Variants in FRMD5 observed in about 807,000 individuals in gnomAD.
FRMD5 encodes the protein FERM domain containing 5.
A neutral mutation model predicts 69.0 loss-of-function variants in FRMD5; 20 were observed. The observed-to-expected ratio is 0.29, with a 90% confidence interval of 0.20 to 0.42. FRMD5 has a LOEUF of 0.42. Among genes scored for constraint, FRMD5 ranks in the 10% least tolerant of loss-of-function variants. The pLI is 1.00. For missense variants in FRMD5, 595 were observed against 708.6 expected, an observed-to-expected ratio of 0.84 and a Z score of 1.82; for synonymous variants, 271 against 260.1, an observed-to-expected ratio of 1.04 and a Z score of -0.40.
rs139812496 is a variant in FRMD5 at position 43,969,015 on chromosome 15, C to T, written c.103-44706G>A. Among the ~76,000 whole-genome samples the T allele has an allele frequency of 6.2e-4, 94 of 151,902 alleles. 1 individual carries two copies. Among genetic ancestry groups the T allele is most frequent in the Non-Finnish European group, 7.4e-5 (5 of 67,976 alleles). The stretch of plus-strand genomic sequence containing the variant: ...AATGTAGACTGATTATATCTAGAGG[C>T]CTTAATACTGATTTAGAGGTAAGAA... On this transcript the variant is annotated intron_variant, in intron 1 of 13. Coordinates refer to ENST00000417257, the MANE Select transcript of FRMD5 (RefSeq NM_032892.5).
chr15:43,929,042 C>G (rs182007067), intron 1 of FRMD5, among the ~76,000 whole-genome samples: 1 of 152,284 alleles, frequency 6.6e-6, no homozygotes, highest in East Asian at 1.9e-4. Flanking sequence ...TTTGAAAATA[C>G]TAGTGCATAT....
chr15:44,115,995 T>C (rs1332993863), intron 1 of FRMD5, among the ~76,000 whole-genome samples: 1 of 152,004 alleles, frequency 6.6e-6, no homozygotes, highest in Non-Finnish European at 1.5e-5. Flanking sequence ...AGCACTGGAG[T>C]CCAACCTATT....
At chr15:44,181,215 T>C (rs1489973870) in intron 1 of FRMD5, among the ~76,000 whole-genome samples, 1 of 151,878 alleles carries the variant, frequency 6.6e-6, no homozygotes, top group East Asian at 1.9e-4. Flanking sequence ...TTTTTTTTTA[T>C]TATTTTTGGT....
intron 1 of FRMD5, chr15:44,101,621 C>T (rs1203222636): frequency 6.6e-6 from 1 of 152,480 alleles, no homozygotes; most frequent in Non-Finnish European, 1.5e-5. Context: ...TACTTGTTCC[C>T]AAGGTGAGGA....
intron 1 of FRMD5, among the ~76,000 whole-genome samples, chr15:44,039,351 TCCC>T (rs1892081339): frequency 6.6e-6 from 1 of 152,178 alleles, no homozygotes; most frequent in Admixed American, 6.5e-5. Context: ...CTCAAGTGGG[TCCC>T]TGACCCCTGT....
intron 4 of FRMD5, among the ~76,000 whole-genome samples, chr15:43,915,392 G>A (rs1300246155): frequency 6.6e-6 from 1 of 152,176 alleles, no homozygotes; most frequent in African/African-American, 2.4e-5. Context: ...CTCAAGCGAT[G>A]TTCACTGAAG....
At position 44,099,974 on chromosome 15, in the gene FRMD5, C is replaced by G. The variant is rs569014661; in HGVS notation, c.102+94979G>C. 2.6e-5 allele frequency among the ~76,000 whole-genome samples: 4 copies of G among 152,122 alleles called. No individual in the cohort carries two copies. The East Asian group carries it at 7.7e-4, about 29-fold the overall frequency. On this transcript the variant is annotated intron_variant, in intron 1 of 13. Transcript: ENST00000417257. The stretch of plus-strand genomic sequence containing the variant: ...ATTTAACAAGCACTCTGAAAGCCCC[C>G]CTACACTCTGAGTCTAGCCACACAA...
At chr15:43,888,621 A>G (rs1018246569) in intron 9 of FRMD5, among the ~76,000 whole-genome samples, 188 bp downstream of exon 9, 1 of 152,198 alleles carries the variant, frequency 6.6e-6, no homozygotes, top group Non-Finnish European at 1.5e-5. Flanking sequence ...TGTCAATAGC[A>G]TCCCTGAGGA....
chr15:44,152,925 A>G, intron 1 of FRMD5, among the ~76,000 whole-genome samples: 1 of 152,168 alleles, frequency 6.6e-6, no homozygotes, highest in Non-Finnish European at 1.5e-5. Flanking sequence ...ACATTTCTTC[A>G]AAGAAGATAT....
At chr15:44,029,495 T>C (rs967077462) in intron 1 of FRMD5, among the ~76,000 whole-genome samples, 4 of 152,202 alleles carry the variant, frequency 2.6e-5, no homozygotes, top group African/African-American at 9.7e-5. Context: ...TTAAAGCTAT[T>C]AAACCTATAG....
chr15:43,923,588 G>C (rs1337064843), intron 2 of FRMD5, among the ~76,000 whole-genome samples: 1 of 152,220 alleles, frequency 6.6e-6, no homozygotes, highest in African/African-American at 2.4e-5. Context: ...AAGTATTACT[G>C]TCTGGCGGGA....
At chr15:44,034,803 T>A (rs1414216912) in intron 1 of FRMD5, among the ~76,000 whole-genome samples, 1 of 152,142 alleles carries the variant, frequency 6.6e-6, no homozygotes, top group Non-Finnish European at 1.5e-5. Flanking sequence ...GAAGCCCTAG[T>A]CAAACACCGA....
At chr15:43,917,712 C>G (rs1273071683) in intron 4 of FRMD5, 2 of 152,342 alleles carry the variant, frequency 1.3e-5, no homozygotes, top group East Asian at 3.9e-4. Flanking sequence ...TGGTTCTACC[C>G]TTACTCACCT....
At chr15:44,065,186 G>C (rs1893257839) in intron 1 of FRMD5, among the ~76,000 whole-genome samples, 1 of 152,118 alleles carries the variant, frequency 6.6e-6, no homozygotes. Flanking sequence ...TGAATATACA[G>C]TACTTAGTAT....
At chr15:44,182,096 C>T (rs920746703) in intron 1 of FRMD5, among the ~76,000 whole-genome samples, 3 of 151,648 alleles carry the variant, frequency 2.0e-5, no homozygotes, top group Non-Finnish European at 2.9e-5. Flanking sequence ...CTGCAACCTC[C>T]ATCTCCCAGG....
chr15:44,186,576 G>C (rs76193144), intron 1 of FRMD5, among the ~76,000 whole-genome samples: 1 of 152,206 alleles, frequency 6.6e-6, no homozygotes, highest in African/African-American at 2.4e-5. Flanking sequence ...AGGGCATGCG[G>C]GTTTGATGTA....
At chr15:43,968,682 C>T (rs930160637) in intron 1 of FRMD5, among the ~76,000 whole-genome samples, 2 of 151,964 alleles carry the variant, frequency 1.3e-5, no homozygotes, top group Non-Finnish European at 2.9e-5. Context: ...GAATATATGC[C>T]GGGTGTTTTA....
At chr15:44,024,182 C>G (rs149907304) in intron 1 of FRMD5, among the ~76,000 whole-genome samples, 81 of 151,838 alleles carry the variant, frequency 5.3e-4, no homozygotes, top group African/African-American at 1.8e-3. Context: ...AAATAAACAC[C>G]AGATGTGTGG....
chr15:44,061,373 T>C (rs750768982), intron 1 of FRMD5, among the ~76,000 whole-genome samples: 5 of 152,206 alleles, frequency 3.3e-5, no homozygotes, highest in African/African-American at 4.8e-5. Flanking sequence ...CAAACTGTAA[T>C]GTCCATGGAT....
Sources: allele counts gnomAD v4.1 joint callset (sites outside exome capture counted in the v4.1 genomes callset), GRCh38; gene constraint gnomAD v4.1.1; transcripts MANE v1.5; gene names NCBI Gene and HGNC (gene_info 2026-07-23, HGNC 2026-07-21).